The following COX18 variants were observed in gnomAD, a reference collection of about 807,000 sequenced individuals.
The protein encoded by COX18 is cytochrome c oxidase assembly factor COX18.
In COX18, 45 loss-of-function variants were observed where a neutral mutation model predicts 38.0. That is an observed-to-expected ratio of 1.18 (90% CI 0.93 to 1.52). COX18 has a LOEUF of 1.52. Among genes scored for constraint, COX18 ranks in the 40% most tolerant of loss-of-function variants. The pLI, the probability that COX18 is intolerant of heterozygous loss-of-function variation, is 0.00. For synonymous variants in COX18, 177 were observed against 169.8 expected, an observed-to-expected ratio of 1.04 and a Z score of -0.33; for missense variants, 462 against 423.8, an observed-to-expected ratio of 1.09 and a Z score of -0.79.
Position 73,054,480 on chromosome 4 carries a change from G to A in COX18, c.*3634C>T, listed in dbSNP as rs1269673641. ...ATACACCAGTTTTCTTTATACATGGGTTTATCCCAAGATCCCAGCAACCCC... is the reference window on the plus strand; with the variant it reads ...ATACACCAGTTTTCTTTATACATGGATTTATCCCAAGATCCCAGCAACCCC... On this transcript the variant is annotated 3_prime_UTR_variant, in exon 6 of 6. Coordinates refer to ENST00000507544, the MANE Select transcript of COX18 (RefSeq NM_001297732.2). The A allele has an allele frequency of 6.6e-6, 1 of 152,156 alleles. No homozygotes were observed. Among genetic ancestry groups the A allele is most frequent in the East Asian group, 1.9e-4 (1 of 5,202 alleles). 9.4% of individuals were successfully genotyped at this position (152,156 alleles called of 1,614,324 possible).
intron 2 of COX18, 75 bp downstream of exon 2, chr4:73,067,954 A>ATGTG (rs10610509): frequency 6.2e-5 from 37 of 597,476 alleles, no homozygotes; most frequent in African/African-American, 2.5e-4. Flanking sequence ...CAATTTATGT[A>ATGTG]TGTGTGTGTG....
chr4:73,067,819 C>A (rs1481689883), intron 2 of COX18, among the ~76,000 whole-genome samples: 1 of 78,720 alleles, frequency 1.3e-5, no homozygotes. Flanking sequence ...CCAGACTGGG[C>A]ACCAAGAGCA....
At chr4:73,058,415 C>G in intron 5 of COX18, 128 bp from the exon 6 acceptor site, 2 of 639,770 alleles carry the variant, frequency 3.1e-6, no homozygotes, top group Non-Finnish European at 2.6e-6. Flanking sequence ...CTTGCAGCAG[C>G]TACTAGATTC....
At chr4:73,064,667 T>G (rs1166670569) in intron 4 of COX18, 111 bp downstream of exon 4, 1 of 1,284,372 alleles carries the variant, frequency 7.8e-7, no homozygotes, top group East Asian at 2.7e-5. Context: ...GGGATCTCAC[T>G]TCTAACTCAG....
intron 4 of COX18, 42 bp from the exon 5 acceptor site, chr4:73,061,962 C>T (rs747157768): frequency 3.0e-5 from 31 of 1,026,612 alleles, no homozygotes; most frequent in South Asian, 1.2e-4. Flanking sequence ...ATTATTAAAA[C>T]GCATATTAAA....
chr4:73,059,370 T>C (rs1358001596), intron 5 of COX18, among the ~76,000 whole-genome samples: 1 of 152,230 alleles, frequency 6.6e-6, no homozygotes, highest in African/African-American at 2.4e-5. Context: ...GTGGGGACAG[T>C]AACTGCATCT....
At chr4:73,068,353 C>T (rs576983610) in intron 1 of COX18, among the ~76,000 whole-genome samples, 1 of 152,124 alleles carries the variant, frequency 6.6e-6, no homozygotes, top group Admixed American at 6.5e-5. Flanking sequence ...AGTAACTTAA[C>T]CTCTAAAATC....
chr4:73,069,106 TAC>T (rs1720618376), intron 1 of COX18, among the ~76,000 whole-genome samples: 1 of 152,228 alleles, frequency 6.6e-6, no homozygotes, highest in African/African-American at 2.4e-5. Flanking sequence ...AAATGACAGG[TAC>T]ACGTGTCACA....
At position 73,069,363 on chromosome 4, in the gene COX18, G is replaced by A. The variant is rs988885656; in HGVS notation, c.287C>T (p.Ala96Val). 6.4e-7 allele frequency: 1 copy of A among 1,555,970 alleles called. No homozygotes were observed. Among genetic ancestry groups the A allele is most frequent in the African/African-American group, 1.4e-5 (1 of 73,606 alleles). Residue 96 changes from alanine to valine, a missense_variant, in exon 1 of 6, where the codon GCT becomes GTT. Transcript: ENST00000507544. ...GTAGGCTGCCAAAGGCAGCGTGACA[G>A]CACCCCGTAAGGCCACGGTGGAGAG... ...ILLSTVALRG[A>V]VTLPLAAYQH... is the part of the protein sequence containing the mutation.
chr4:73,061,094 A>G (rs1720132225), intron 5 of COX18, among the ~76,000 whole-genome samples: 1 of 152,142 alleles, frequency 6.6e-6, no homozygotes, highest in African/African-American at 2.4e-5. Context: ...TTCTATTTCT[A>G]TAAAGATTAA....
rs1720174278 is a variant in COX18 at position 73,061,810 on chromosome 4, C to G, written c.831+3G>C. The G allele has an allele frequency of 1.3e-6, 2 of 1,573,260 alleles. No homozygotes were observed. Among genetic ancestry groups the G allele is most frequent in the Non-Finnish European group, 1.7e-6 (2 of 1,143,878 alleles). The stretch of plus-strand genomic sequence containing the variant: ...GCTACACACAATATTGGTGCTTACT[C>G]ACTGAGGGTACCGTTGCAGCAATTG... On this transcript the variant is annotated splice_donor_region_variant and intron_variant, in intron 5 of 5. Coordinates refer to ENST00000507544, the MANE Select transcript of COX18 (RefSeq NM_001297732.2).
chr4:73,064,673 C>T, intron 4 of COX18, 105 bp downstream of exon 4: 2 of 1,342,308 alleles, frequency 1.5e-6, no homozygotes, highest in Non-Finnish European at 2.1e-6. Flanking sequence ...TCACTTCTAA[C>T]TCAGAGCTAT....
At chr4:73,069,248 G>A (rs1488641291) in intron 1 of COX18, 69 bp downstream of exon 1, 15 of 1,182,844 alleles carry the variant, frequency 1.3e-5, no homozygotes, top group Admixed American at 2.9e-5. Context: ...AAAACCCTGA[G>A]TGAATGTCGG....
Position 73,058,040 on chromosome 4 carries a change from T to G in COX18, c.*74A>C. On this transcript the variant is annotated 3_prime_UTR_variant, in exon 6 of 6. Transcript: ENST00000507544. Reference sequence around the variant, plus strand: ...TTAAATAAAAGGAAATCAAGTAACATCTGAATTTCTAAGTCTAAATACATT... The same window carrying G: ...TTAAATAAAAGGAAATCAAGTAACAGCTGAATTTCTAAGTCTAAATACATT... The G allele has an allele frequency of 6.0e-6, 6 of 1,001,774 alleles. No homozygotes were observed. Among genetic ancestry groups the G allele is most frequent in the Non-Finnish European group, 9.0e-6 (6 of 668,904 alleles). 62.1% of individuals were successfully genotyped at this position (1,001,774 alleles called of 1,614,324 possible).
At chr4:73,066,374 C>G (rs1720446824) in intron 2 of COX18, among the ~76,000 whole-genome samples, 1 of 152,138 alleles carries the variant, frequency 6.6e-6, no homozygotes, top group African/African-American at 2.4e-5. Flanking sequence ...TTTTACCCTT[C>G]AAGACTCAAT....
Position 73,058,197 on chromosome 4 carries a change from T to C in COX18, c.922A>G (p.Ile308Val), listed in dbSNP as rs747877401. ...TCTGAATCTGACTTGGTCGATGGTA[T>C]TCGGCAAAGTTGGCGAAATCCAGGA... The part of the protein sequence containing the change: ...RSPGFRQLCR[I>V]PSTKSDSETP... Residue 308 changes from isoleucine to valine, a missense_variant, in exon 6 of 6, where the codon ATA (isoleucine) becomes GTA (valine). By Grantham distance (29) the Ile-to-Val change is conservative. Transcript: ENST00000507544. 6.2e-7 allele frequency: 1 copy of C among 1,613,902 alleles called. No homozygotes were observed. The highest frequency in any genetic ancestry group is 8.5e-7 in the Non-Finnish European group (1 of 1,179,792).
At position 73,065,279 on chromosome 4, in the gene COX18, T is replaced by C; in HGVS notation, c.569A>G (p.Asn190Ser). 1 of 1,613,374 alleles carries C rather than the reference T, an allele frequency of 6.2e-7. No individual in the cohort carries two copies. Among genetic ancestry groups the C allele is most frequent in the Non-Finnish European group, 8.5e-7 (1 of 1,179,794 alleles). The change falls in exon 3 of 6, where the codon AAT becomes AGT. Residue 190 changes from asparagine to serine, a missense_variant. By Grantham distance (46) the Asn-to-Ser change is conservative. Transcript: ENST00000507544. Reference protein sequence around the residue: ...MWIFMSFALRNLSTGAAHSEA... With the variant: ...MWIFMSFALRSLSTGAAHSEA... ...TGAATGTGCTGCCCCCGTGCTTAAA[T>C]TCCGGAGAGCAAAAGACATGAAGAT...
At position 73,069,260 on chromosome 4, in the gene COX18, C is replaced by T. The variant is rs540287907; in HGVS notation, c.333+57G>A. 19 of 1,317,578 alleles carry T rather than the reference C, an allele frequency of 1.4e-5. No homozygotes were observed. The Admixed American group carries it at 3.7e-4, about 26-fold the overall frequency. 81.6% of individuals were successfully genotyped at this position (1,317,578 alleles called of 1,614,324 possible). The stretch of plus-strand genomic sequence containing the variant: ...TCGAAAACCCTGAGTGAATGTCGGC[C>T]TTCCTCCGCCGCAGGGGTTGCAGCG... On this transcript the variant is annotated intron_variant, in intron 1 of 5. Coordinates refer to ENST00000507544, the MANE Select transcript of COX18 (RefSeq NM_001297732.2).
intron 5 of COX18, among the ~76,000 whole-genome samples, 171 bp from the exon 6 acceptor site, chr4:73,058,458 T>C (rs1720001154): frequency 6.6e-6 from 1 of 150,522 alleles, no homozygotes; most frequent in Non-Finnish European, 1.5e-5. Flanking sequence ...GGAAAAAAGG[T>C]TACAGACAGA....
Sources: allele counts gnomAD v4.1 joint callset (sites outside exome capture counted in the v4.1 genomes callset), GRCh38; gene constraint gnomAD v4.1.1; transcripts MANE v1.5; gene names NCBI Gene and HGNC (gene_info 2026-07-23, HGNC 2026-07-21).